Variants in TNNI3K observed in about 807,000 individuals in gnomAD.
TNNI3K encodes the protein serine/threonine-protein kinase TNNI3K.
Under a neutral mutation model 114.5 loss-of-function variants are expected in TNNI3K, and 140 were observed. The observed-to-expected ratio is 1.22, with a 90% CI of 1.07 to 1.41. The LOEUF (loss-of-function observed/expected upper bound fraction) is 1.41, where lower values mean the gene tolerates loss of function less well. Ranked by LOEUF, TNNI3K falls within the 40% of genes most tolerant of loss-of-function variation. The pLI is 0.00. For missense variants in TNNI3K, 1,125 were observed against 1,007.6 expected (o/e 1.12, Z -1.58); for synonymous variants, 347 against 347.5 (o/e 1.00, Z 0.02).
chr1:74,505,974 T>TA (rs938660863), intron 23 of TNNI3K, among the ~76,000 whole-genome samples: 38 of 152,248 alleles, frequency 2.5e-4, no homozygotes, highest in African/African-American at 8.9e-4. Flanking sequence ...AAAGAGAAAG[T>TA]AAAAAAATGA....
intron 5 of TNNI3K, 48 bp from the exon 6 acceptor site, chr1:74,331,402 G>A (rs201466028): frequency 1.9e-6 from 3 of 1,577,308 alleles, no homozygotes; most frequent in South Asian, 1.1e-5. Flanking sequence ...ATCTTAATAG[G>A]CAGATAACTC....
intron 23 of TNNI3K, among the ~76,000 whole-genome samples, chr1:74,531,556 G>A (rs1245007535): frequency 6.6e-6 from 1 of 152,176 alleles, no homozygotes; most frequent in African/African-American, 2.4e-5. Context: ...AAATAGATCT[G>A]TTTTCAGCTA....
chr1:74,336,962 A>C (rs1405708137), intron 7 of TNNI3K, among the ~76,000 whole-genome samples: 1 of 151,920 alleles, frequency 6.6e-6, no homozygotes, highest in Non-Finnish European at 1.5e-5. Flanking sequence ...CTACAGTCCC[A>C]CCAACAGTGT....
At chr1:74,394,941 G>A (rs1663998173) in intron 17 of TNNI3K, among the ~76,000 whole-genome samples, 1 of 152,014 alleles carries the variant, frequency 6.6e-6, no homozygotes, top group South Asian at 2.1e-4. Context: ...CTACTCGGGA[G>A]GCTGAGGCAG....
At chr1:74,366,329 G>C (rs1662270160) in intron 11 of TNNI3K, among the ~76,000 whole-genome samples, 1 of 151,974 alleles carries the variant, frequency 6.6e-6, no homozygotes, top group Non-Finnish European at 1.5e-5. Flanking sequence ...CATTAAAATA[G>C]TATTGAAGTT....
chr1:74,402,219 G>A lies in TNNI3K; in HGVS notation c.1772+31827G>A, dbSNP rs571711761. Among the ~76,000 whole-genome samples, 24 of 152,184 alleles carry A rather than the reference G, an allele frequency of 1.6e-4. No individual in the cohort carries two copies. In the South Asian group the frequency reaches 1.7e-3, roughly 11 times the overall value. On this transcript the variant is annotated intron_variant, in intron 17 of 24. Coordinates refer to ENST00000326637, the MANE Select transcript of TNNI3K (RefSeq NM_015978.3). ...ACTTTTGAAAAGGATGGAATGGGGC[G>A]GTAGTAAGAAGTTATTTCAGTAGAC...
intron 17 of TNNI3K, among the ~76,000 whole-genome samples, chr1:74,432,131 G>C (rs1234936943): frequency 2.0e-5 from 3 of 152,070 alleles, no homozygotes; most frequent in Admixed American, 1.3e-4. Flanking sequence ...GTATATTATA[G>C]TATAAGTATA....
intron 5 of TNNI3K, among the ~76,000 whole-genome samples, chr1:74,276,217 C>A (rs947384207): frequency 4.6e-5 from 7 of 152,008 alleles, no homozygotes; most frequent in Non-Finnish European, 1.0e-4. Context: ...ATACAAACGG[C>A]ATTTAATGGA....
At chr1:74,506,187 G>C (rs1458571762) in intron 23 of TNNI3K, among the ~76,000 whole-genome samples, 2 of 152,210 alleles carry the variant, frequency 1.3e-5, no homozygotes, top group Non-Finnish European at 2.9e-5. Context: ...GTTTTGATCT[G>C]TGACATAGAA....
chr1:74,540,235 G>C lies in TNNI3K; in HGVS notation c.2353G>C (p.Ala785Pro). The C allele has an allele frequency of 6.2e-7, 1 of 1,611,724 alleles. No homozygotes were observed. The highest frequency in any genetic ancestry group is 2.2e-5 in the East Asian group (1 of 44,672). ...AACTGTGTTTTATTAATTTTCCAGT[G>C]CTGGACAATATTCCTCTCAAGGTCT... is the stretch of plus-strand genomic sequence containing the variant. ...ARSYAALSQS[A>P]GQYSSQGLSL... is the part of the protein sequence containing the mutation. The change falls in exon 24 of 25, where the codon GCT becomes CCT. Residue 785 changes from alanine (A) to proline (P), a missense_variant and splice_region_variant. Coordinates refer to ENST00000326637, the MANE Select transcript of TNNI3K (RefSeq NM_015978.3).
At chr1:74,499,321 A>G (rs548238718) in intron 23 of TNNI3K, among the ~76,000 whole-genome samples, 1 of 152,158 alleles carries the variant, frequency 6.6e-6, no homozygotes, top group Non-Finnish European at 1.5e-5. Context: ...TTTAATTTTT[A>G]TTTTTGTAGA....
At chr1:74,369,754 C>G in intron 16 of TNNI3K, 169 bp downstream of exon 16, 1 of 709,054 alleles carries the variant, frequency 1.4e-6, no homozygotes. Context: ...AACTGTGTTT[C>G]AATGAATAGA....
In TNNI3K at chr1:74,257,892, C is replaced by A. The variant is rs536345434; in HGVS notation, c.333+7123C>A. On this transcript the variant is annotated intron_variant, in intron 4 of 24. Coordinates refer to ENST00000326637, the MANE Select transcript of TNNI3K (RefSeq NM_015978.3). ...CCATGTTAGCCAGGATGGTCTCGAT[C>A]TCCTGACCTTGTGATCCGCCCACCT... Among the ~76,000 whole-genome samples the A allele has an allele frequency of 2.0e-5, 3 of 152,126 alleles. No homozygotes were observed. The East Asian group carries it at 5.8e-4, about 30-fold the overall frequency.
At chr1:74,469,964 T>G (rs867395979) in intron 21 of TNNI3K, 1 of 400,584 alleles carries the variant, frequency 2.5e-6, no homozygotes, top group African/African-American at 2.1e-5. Flanking sequence ...TCAGCTTCAT[T>G]TATTCTGCTA....
At chr1:74,407,467 A>G (rs1033834055) in intron 17 of TNNI3K, among the ~76,000 whole-genome samples, 13 of 152,172 alleles carry the variant, frequency 8.5e-5, no homozygotes, top group Non-Finnish European at 1.5e-4. Context: ...TTTTTTATTC[A>G]GGAAATAATT....
At chr1:74,330,111 T>G (rs1570473089) in intron 5 of TNNI3K, among the ~76,000 whole-genome samples, 1 of 152,144 alleles carries the variant, frequency 6.6e-6, no homozygotes, top group East Asian at 1.9e-4. Context: ...AGACAGGTAT[T>G]TAGGAGAAGA....
intron 17 of TNNI3K, among the ~76,000 whole-genome samples, chr1:74,382,237 G>A (rs1363967711): frequency 6.6e-6 from 1 of 152,124 alleles, no homozygotes. Flanking sequence ...CTGTGTTGCT[G>A]TTATGTCACT....
intron 9 of TNNI3K, among the ~76,000 whole-genome samples, chr1:74,347,262 A>G (rs4598445): frequency 1 from 150,385 of 150,840 alleles, 74,967 homozygotes; most frequent in Non-Finnish European, 1. Context: ...TTGGTTTTTT[A>G]TCCTTGTGAT....
At chr1:74,257,883 G>A (rs1248610073) in intron 4 of TNNI3K, among the ~76,000 whole-genome samples, 2 of 151,828 alleles carry the variant, frequency 1.3e-5, no homozygotes. Flanking sequence ...TAGCCAGGAT[G>A]GTCTCGATCT....
Sources: allele counts gnomAD v4.1 joint callset (sites outside exome capture counted in the v4.1 genomes callset), GRCh38; gene constraint gnomAD v4.1.1; transcripts MANE v1.5; gene names NCBI Gene and HGNC (gene_info 2026-07-23, HGNC 2026-07-21).